Variants in DIP2A observed in about 807,000 individuals in gnomAD.
DIP2A encodes disco-interacting protein 2 homolog A.
Under a neutral mutation model 177.4 loss-of-function variants are expected in DIP2A, and 85 were observed. The observed-to-expected ratio is 0.48, with a 90% CI of 0.40 to 0.57. The LOEUF (loss-of-function observed/expected upper bound fraction) is 0.57. Among genes scored for constraint, DIP2A ranks in the 20% least tolerant of loss-of-function variants. The pLI, the probability that DIP2A is intolerant of heterozygous loss-of-function variation, is 0.00. For synonymous variants in DIP2A, 886 were observed against 881.8 expected, an observed-to-expected ratio of 1.00 and a Z score of -0.08; for missense variants, 1,791 against 2,100.2, an observed-to-expected ratio of 0.85 and a Z score of 2.88.
chr21:46,506,726 T>G (rs1308064711), intron 6 of DIP2A, among the ~76,000 whole-genome samples: 1 of 58,106 alleles, frequency 1.7e-5, no homozygotes, highest in Non-Finnish European at 4.1e-5. Context: ...GTGCTTGTTT[T>G]TCTTTCTTTC....
chr21:46,526,946 A>G (rs1245492542), intron 8 of DIP2A, among the ~76,000 whole-genome samples: 2 of 152,184 alleles, frequency 1.3e-5, no homozygotes, highest in African/African-American at 4.8e-5. Context: ...ATATCCAACC[A>G]TTAATTATGA....
At chr21:46,541,951 G>A (rs1405312226) in intron 18 of DIP2A, 56 bp downstream of exon 18, 8 of 1,608,902 alleles carry the variant, frequency 5.0e-6, no homozygotes, top group Non-Finnish European at 6.0e-6. Context: ...GTAACGAAAA[G>A]GGTTTTGTTT....
At chr21:46,545,100 C>T (rs371741495) in intron 18 of DIP2A, 37 bp from the exon 19 acceptor site, 87 of 1,554,686 alleles carry the variant, frequency 5.6e-5, no homozygotes, top group Non-Finnish European at 6.8e-5. Flanking sequence ...CATTTAAACA[C>T]GTTCTTGATA....
At position 46,534,570 on chromosome 21, in the gene DIP2A, C is replaced by G; in HGVS notation, c.1540-15C>G. 1 of 1,608,598 alleles carries G rather than the reference C, an allele frequency of 6.2e-7. No homozygotes were observed. The highest frequency in any genetic ancestry group is 8.5e-7 in the Non-Finnish European group (1 of 1,176,950). ...AGAAATACCACATCATGTTTTTTTCCTTGAAATCTTTCAGTATAAAACCAG... is the reference window on the plus strand; with the variant it reads ...AGAAATACCACATCATGTTTTTTTCGTTGAAATCTTTCAGTATAAAACCAG... On this transcript the variant is annotated splice_polypyrimidine_tract_variant and intron_variant, in intron 12 of 37. Transcript: ENST00000417564.
At chr21:46,504,178 C>T (rs977341584) in intron 5 of DIP2A, 183 bp from the exon 6 acceptor site, 2 of 747,168 alleles carry the variant, frequency 2.7e-6, no homozygotes, top group Non-Finnish European at 4.4e-6. Context: ...CATAACGTGT[C>T]TGGGAGTTCA....
At chr21:46,565,944 C>G in intron 36 of DIP2A, 57 bp downstream of exon 36, 2 of 1,593,110 alleles carry the variant, frequency 1.3e-6, no homozygotes, top group Non-Finnish European at 1.7e-6. Flanking sequence ...CCTGGGCTCC[C>G]CAAGAGCTTA....
intron 8 of DIP2A, among the ~76,000 whole-genome samples, chr21:46,519,900 A>T (rs1261216363): frequency 3.4e-5 from 3 of 88,694 alleles, no homozygotes; most frequent in African/African-American, 1.4e-4. Flanking sequence ...TTTGAGATGG[A>T]GTCTTGCTCT....
downstream of DIP2A, among the ~76,000 whole-genome samples, chr21:46,570,715 C>A (rs2060953770): frequency 6.6e-6 from 1 of 152,202 alleles, no homozygotes; most frequent in African/African-American, 2.4e-5. Flanking sequence ...AGAGAAATAA[C>A]TAACCTCCAG....
chr21:46,550,472 C>G (rs1456406146), intron 22 of DIP2A, 71 bp from the exon 23 acceptor site: 13 of 1,466,356 alleles, frequency 8.9e-6, no homozygotes, highest in Non-Finnish European at 1.2e-5. Flanking sequence ...AGGGGATGTT[C>G]CTGTCCCCCA....
Position 46,560,747 on chromosome 21 carries a change from C to G in DIP2A, c.3995C>G (p.Thr1332Ser), listed in dbSNP as rs2060635739. ...GGCACAGCTGGCCCGGACCCCACAACCGTCTACGTGGACATGCGGGCACTG... is the reference window on the plus strand; with the variant it reads ...GGCACAGCTGGCCCGGACCCCACAAGCGTCTACGTGGACATGCGGGCACTG... ...LQGTAGPDPTTVYVDMRALRH... is the reference protein window; with the variant it reads ...LQGTAGPDPTSVYVDMRALRH... Residue 1332 changes from threonine to serine, a missense_variant, in exon 33 of 38, where the codon ACC becomes AGC. By Grantham distance (58) the Thr-to-Ser change is moderately conservative. Transcript: ENST00000417564. 2 of 1,609,566 alleles carry G rather than the reference C, an allele frequency of 1.2e-6. No homozygotes were observed. The highest frequency in any genetic ancestry group is 8.5e-7 in the Non-Finnish European group (1 of 1,178,202).
At chr21:46,567,266 A>G in intron 37 of DIP2A, 104 bp from the exon 38 acceptor site, 1 of 1,488,988 alleles carries the variant, frequency 6.7e-7, no homozygotes, top group Non-Finnish European at 9.1e-7. Context: ...GCTGTGTGAC[A>G]TTGGTGGGCT....
At chr21:46,583,290 T>C in the DIP2A span, among the ~76,000 whole-genome samples, 1 of 152,180 alleles carries the variant, frequency 6.6e-6, no homozygotes, top group Admixed American at 6.5e-5. Flanking sequence ...ATGTCTCACT[T>C]TCTATAATGA....
intron 10 of DIP2A, 94 bp downstream of exon 10, chr21:46,532,331 A>C: frequency 9.7e-7 from 1 of 1,026,486 alleles, no homozygotes. Context: ...GGCAGGCAGC[A>C]AGCAGCTGTT....
rs79695666 is a variant in DIP2A at position 46,524,392 on chromosome 21, G to T, written c.1103-4700G>T. Among the ~76,000 whole-genome samples the T allele has an allele frequency of 3.5e-4, 54 of 152,296 alleles. No individual in the cohort carries two copies. In the East Asian group the frequency reaches 0.01, roughly 28 times the overall value. ...TTAGGAGAAACTCTGACTCCCCTAA[G>T]TTGGGACTCTAACCCAGTTCCATCC... On this transcript the variant is annotated intron_variant, in intron 8 of 37. Coordinates refer to ENST00000417564, the MANE Select transcript of DIP2A (RefSeq NM_015151.4).
chr21:46,486,442 C>T (rs1467060426), intron 2 of DIP2A, among the ~76,000 whole-genome samples: 1 of 152,198 alleles, frequency 6.6e-6, no homozygotes, highest in Non-Finnish European at 1.5e-5. Flanking sequence ...GAGTTTTCTG[C>T]CTCAGCCTTC....
intron 3 of DIP2A, among the ~76,000 whole-genome samples, chr21:46,491,784 C>T (rs761328940): frequency 6.6e-6 from 1 of 152,188 alleles, no homozygotes; most frequent in Non-Finnish European, 1.5e-5. Context: ...CTCTTCTCCC[C>T]AACCCTGTTC....
At chr21:46,554,786 G>GGGGGGGGGC (rs2060400935) in intron 27 of DIP2A, 36 bp from the exon 28 acceptor site, 3 of 1,519,026 alleles carry the variant, frequency 2.0e-6, no homozygotes, top group Non-Finnish European at 1.8e-6. Flanking sequence ...AGCTTGAGAG[G>GGGGGGGGGC]CCCCGCCCAC....
In DIP2A at chr21:46,467,315, T is replaced by A. The variant is rs1019340630; in HGVS notation, c.91+8093T>A. ...CGTCTCAAAAAAAAAAAAAAAAAAA[T>A]TTAAATGAGTTAAATATTTAAAAAA... On this transcript the variant is annotated intron_variant, in intron 1 of 37. Transcript: ENST00000417564. 2.1e-4 allele frequency among the ~76,000 whole-genome samples: 29 copies of A among 139,482 alleles called. No homozygotes were observed. In the East Asian group the frequency reaches 2.7e-3, roughly 13 times the overall value. The allele number at this position is 139,482 out of a possible 152,430, so 91.5% of individuals were successfully genotyped here. A position where few individuals can be genotyped will look rare whatever the true frequency, so the allele number is the denominator to read the frequency against.
chr21:46,581,394 C>T, the DIP2A span, among the ~76,000 whole-genome samples: 1 of 152,150 alleles, frequency 6.6e-6, no homozygotes, highest in Non-Finnish European at 1.5e-5. Flanking sequence ...TAGAACATAA[C>T]TCCTTTAGCT....
Sources: gnomAD v4.1 joint callset for allele counts (sites outside exome capture counted in the v4.1 genomes callset) on GRCh38, gnomAD v4.1.1 for gene constraint, MANE v1.5 for transcripts, NCBI Gene and HGNC (gene_info 2026-07-23, HGNC 2026-07-21) for gene names.